Variants in FAM117B observed in about 807,000 individuals in gnomAD.
FAM117B encodes protein FAM117B.
FAM117B carries 22 observed loss-of-function variants against 52.8 expected under a neutral mutation model. The ratio of observed to expected loss-of-function variants is 0.42; its 90% CI spans 0.30 to 0.59. The LOEUF (loss-of-function observed/expected upper bound fraction) is 0.59. Ranked by LOEUF, FAM117B falls within the 20% of genes least tolerant of loss-of-function variation. The pLI is 0.22. For synonymous variants in FAM117B, 309 were observed against 324.1 expected, an observed-to-expected ratio of 0.95 and a Z score of 0.50; for missense variants, 678 against 802.6, an observed-to-expected ratio of 0.84 and a Z score of 1.88.
chr2:202,749,851 T>C (rs1324960596), intron 4 of FAM117B, among the ~76,000 whole-genome samples: 3 of 152,176 alleles, frequency 2.0e-5, no homozygotes, highest in African/African-American at 7.2e-5. Flanking sequence ...TATGGACATA[T>C]TCAAGTTCTC....
At chr2:202,684,226 A>G (rs1267199994) in intron 1 of FAM117B, among the ~76,000 whole-genome samples, 2 of 152,224 alleles carry the variant, frequency 1.3e-5, no homozygotes, top group Non-Finnish European at 2.9e-5. Context: ...TAATGATGAT[A>G]CATCATGACC....
chr2:202,636,340 A>C (rs1689686335), intron 1 of FAM117B, among the ~76,000 whole-genome samples: 1 of 152,214 alleles, frequency 6.6e-6, no homozygotes, highest in South Asian at 2.1e-4. Flanking sequence ...AGACTTGATA[A>C]ATGGGTAGCA....
chr2:202,701,445 T>C (rs972227933), intron 2 of FAM117B, among the ~76,000 whole-genome samples: 2 of 152,178 alleles, frequency 1.3e-5, no homozygotes, highest in East Asian at 3.8e-4. Flanking sequence ...CAGCCCATGG[T>C]TCCAAGAAAT....
At position 202,635,546 on chromosome 2, in the gene FAM117B, C is replaced by T. The variant is rs1689668102; in HGVS notation, c.359C>T (p.Thr120Met). 5 of 1,180,440 alleles carry T rather than the reference C, an allele frequency of 4.2e-6. No individual in the cohort carries two copies. Among genetic ancestry groups the T allele is most frequent in the Non-Finnish European group, 5.2e-6 (5 of 957,600 alleles). The allele number at this position is 1,180,440 out of a possible 1,614,324, so 73.1% of individuals were successfully genotyped here. ...ATQTGASATS[T>M]RGTSPTRSAA... ...CAGACGGGCGCGTCCGCGACGTCCACGCGAGGCACCAGCCCCACGCGCAGC... is the reference window on the plus strand; with the variant it reads ...CAGACGGGCGCGTCCGCGACGTCCATGCGAGGCACCAGCCCCACGCGCAGC... The change falls in exon 1 of 8, where the codon ACG (threonine) becomes ATG (methionine). Residue 120 changes from threonine (T) to methionine (M), a missense_variant. By Grantham distance (81) the Thr-to-Met change is moderately conservative (BLOSUM62 -1). This residue lies in a region of FAM117B where 583 missense variants were observed against 644.8 expected (regional missense o/e 0.90). Coordinates refer to ENST00000392238, the MANE Select transcript of FAM117B (RefSeq NM_173511.4).
chr2:202,636,220 G>A (rs1373060410), intron 1 of FAM117B, among the ~76,000 whole-genome samples: 1 of 152,246 alleles, frequency 6.6e-6, no homozygotes, highest in Non-Finnish European at 1.5e-5. Context: ...CTGCTGCTAA[G>A]TATTTCTGTT....
chr2:202,698,789 C>T (rs967392993), intron 2 of FAM117B, among the ~76,000 whole-genome samples: 4 of 152,158 alleles, frequency 2.6e-5, no homozygotes, highest in Non-Finnish European at 5.9e-5. Context: ...TGTAACTTTG[C>T]TGAGCTTAGG....
At chr2:202,707,833 A>G (rs1024204444) in intron 2 of FAM117B, among the ~76,000 whole-genome samples, 6 of 151,644 alleles carry the variant, frequency 4.0e-5, no homozygotes, top group Admixed American at 6.6e-5. Flanking sequence ...CAGCAGTGCA[A>G]TCTTGGCTCA....
intron 1 of FAM117B, among the ~76,000 whole-genome samples, chr2:202,639,832 A>T (rs1689739026): frequency 6.6e-6 from 1 of 152,220 alleles, no homozygotes; most frequent in Admixed American, 6.5e-5. Context: ...TATTTAACAT[A>T]AATTACCAGT....
At chr2:202,737,897 C>T (rs997000850) in intron 4 of FAM117B, among the ~76,000 whole-genome samples, 8 of 152,012 alleles carry the variant, frequency 5.3e-5, no homozygotes, top group Non-Finnish European at 7.4e-5. Context: ...CCACTGTGCC[C>T]GGCCAGTTTA....
chr2:202,684,250 C>T (rs1329566275), intron 1 of FAM117B, among the ~76,000 whole-genome samples: 2 of 152,048 alleles, frequency 1.3e-5, no homozygotes, highest in Non-Finnish European at 2.9e-5. Flanking sequence ...TAGAGTTTAC[C>T]CCAAGTATGC....
At chr2:202,637,283 A>C (rs1192742806) in intron 1 of FAM117B, among the ~76,000 whole-genome samples, 1 of 151,746 alleles carries the variant, frequency 6.6e-6, no homozygotes, top group Non-Finnish European at 1.5e-5. Flanking sequence ...TTTGAGACGG[A>C]GTCTTGCTCA....
At position 202,765,811 on chromosome 2, in the gene FAM117B, C is replaced by T. The variant is rs777523837; in HGVS notation, c.*47C>T. On this transcript the variant is annotated 3_prime_UTR_variant, in exon 8 of 8. Transcript: ENST00000392238. ...TGTTCTGGGAAATTGGGAACCTCCT[C>T]AGATCACTGGATTCTGATGGCATCG... The T allele has an allele frequency of 6.4e-7, 1 of 1,568,890 alleles. No individual in the cohort carries two copies. Among genetic ancestry groups the T allele is most frequent in the Admixed American group, 1.7e-5 (1 of 57,468 alleles).
At chr2:202,750,390 G>A (rs1691704449) in intron 4 of FAM117B, among the ~76,000 whole-genome samples, 1 of 152,132 alleles carries the variant, frequency 6.6e-6, no homozygotes, top group Non-Finnish European at 1.5e-5. Context: ...GCATGTGCCT[G>A]TAATCCCAGC....
At position 202,766,555 on chromosome 2, in the gene FAM117B, AGTT is replaced by A. The variant is rs1265809547; in HGVS notation, c.*794_*796del. ...ACACATTTCACCATGTGGTCAGAAA[AGTT>A]GTAGTCTGAAGACAAGTGCTTTAAT... On this transcript the variant is annotated 3_prime_UTR_variant, in exon 8 of 8. Coordinates refer to ENST00000392238, the MANE Select transcript of FAM117B (RefSeq NM_173511.4). 6.6e-6 allele frequency: 1 copy of A among 152,608 alleles called. No homozygotes were observed. The highest frequency in any genetic ancestry group is 1.5e-5 in the Non-Finnish European group (1 of 68,040). 9.5% of individuals were successfully genotyped at this position (152,608 alleles called of 1,614,324 possible).
At chr2:202,681,252 A>C (rs1413127068) in intron 1 of FAM117B, among the ~76,000 whole-genome samples, 1 of 152,228 alleles carries the variant, frequency 6.6e-6, no homozygotes, top group Non-Finnish European at 1.5e-5. Flanking sequence ...GAAGGGGAAA[A>C]AAGAACAAAG....
intron 1 of FAM117B, among the ~76,000 whole-genome samples, chr2:202,694,514 C>T (rs921198784): frequency 1.3e-5 from 2 of 151,852 alleles, no homozygotes; most frequent in African/African-American, 4.8e-5. Flanking sequence ...TTATATGTGT[C>T]TTTCCTCACA....
At chr2:202,759,122 A>G (rs1691843730) in intron 6 of FAM117B, 111 bp from the exon 7 acceptor site, 1 of 1,115,148 alleles carries the variant, frequency 9.0e-7, no homozygotes, top group African/African-American at 1.6e-5. Flanking sequence ...CTCCTTGATT[A>G]ATAAAGCACT....
intron 1 of FAM117B, among the ~76,000 whole-genome samples, chr2:202,655,269 A>G (rs151164983): frequency 4.0e-4 from 61 of 152,268 alleles, no homozygotes; most frequent in South Asian, 1.0e-3. Flanking sequence ...TTTATGCATT[A>G]TTAGTTGAAG....
In FAM117B at chr2:202,757,442, C is replaced by T. The variant is rs373604054; in HGVS notation, c.1330+4C>T. The T allele has an allele frequency of 2.1e-5, 34 of 1,613,192 alleles. No individual in the cohort carries two copies. In the Admixed American group the frequency reaches 5.3e-4, roughly 25 times the overall value. On this transcript the variant is annotated splice_donor_region_variant and intron_variant, in intron 6 of 7. Coordinates refer to ENST00000392238, the MANE Select transcript of FAM117B (RefSeq NM_173511.4). ...CTTGTTGATCCCAGAGATAAAGGTACAGTGCTGGAGGAATGTGCTACTAGA... is the reference window on the plus strand; with the variant it reads ...CTTGTTGATCCCAGAGATAAAGGTATAGTGCTGGAGGAATGTGCTACTAGA...
Sources: allele counts gnomAD v4.1 joint callset (sites outside exome capture counted in the v4.1 genomes callset), GRCh38; gene constraint gnomAD v4.1.1; regional missense constraint gnomAD v4.1.1; transcripts MANE v1.5; gene names NCBI Gene and HGNC (gene_info 2026-07-23, HGNC 2026-07-21).